TCF4: variants seen among roughly 807,000 people sequenced by gnomAD.
TCF4 encodes transcription factor 4.
TCF4 carries 3 observed loss-of-function variants against 82.1 expected under a neutral mutation model. The observed-to-expected ratio is 0.04, with a 90% CI of 0.02 to 0.09. The LOEUF is 0.09. Among genes scored for constraint, TCF4 ranks in the 10% least tolerant of loss-of-function variants. The pLI is 1.00. For synonymous variants in TCF4, 276 were observed against 309.6 expected, an observed-to-expected ratio of 0.89 and a Z score of 1.14; for missense variants, 518 against 852.7, an observed-to-expected ratio of 0.61 and a Z score of 4.89.
intron 11 of TCF4, chr18:55,269,490 T>A (rs2059889321): frequency 2.8e-6 from 1 of 358,546 alleles, no homozygotes; most frequent in South Asian, 2.4e-5. Flanking sequence ...TTAAGAGCTA[T>A]TCTGCTTTGT....
rs1326007246 is a variant in TCF4 at position 55,254,509 on chromosome 18, T to A, written c.1338A>T (p.Arg446Ser). ...TTTCATCACTTACCATGAGTGAATGTCTGTTGGCTGAAAGAAGGCCGGTTC... is the reference window on the plus strand; with the variant it reads ...TTTCATCACTTACCATGAGTGAATGACTGTTGGCTGAAAGAAGGCCGGTTC... The part of the protein sequence containing the change: ...GYGTGLLSAN[R>S]HSLMVGTHRE... Residue 446 changes from arginine to serine, a missense_variant, in exon 15 of 20, where the codon AGA becomes AGT. Transcript: ENST00000354452. 1 of 1,613,620 alleles carries A rather than the reference T, an allele frequency of 6.2e-7. No individual in the cohort carries two copies.
intron 3 of TCF4, among the ~76,000 whole-genome samples, chr18:55,568,630 A>G (rs1405401198): frequency 6.6e-6 from 1 of 152,042 alleles, no homozygotes; most frequent in Admixed American, 6.5e-5. Context: ...AGTGGCTTAA[A>G]ATCTTCTTAT....
chr18:55,332,813 A>G (rs1569048755), intron 8 of TCF4, among the ~76,000 whole-genome samples: 1 of 152,100 alleles, frequency 6.6e-6, no homozygotes, highest in Non-Finnish European at 1.5e-5. Context: ...GGAGATATAG[A>G]CTCCATTTGA....
intron 3 of TCF4, among the ~76,000 whole-genome samples, chr18:55,502,638 T>A (rs1225478054): frequency 6.6e-6 from 1 of 152,212 alleles, no homozygotes; most frequent in African/African-American, 2.4e-5. Context: ...GGCACATAAG[T>A]GTAAAACTCT....
At chr18:55,555,201 C>T (rs1203627504) in intron 3 of TCF4, among the ~76,000 whole-genome samples, 2 of 152,166 alleles carry the variant, frequency 1.3e-5, no homozygotes, top group African/African-American at 4.8e-5. Flanking sequence ...TAATTTGTCA[C>T]AGCTAGACAC....
intron 3 of TCF4, among the ~76,000 whole-genome samples, chr18:55,522,285 T>C (rs1035201757): frequency 6.6e-6 from 1 of 152,070 alleles, no homozygotes; most frequent in Admixed American, 6.6e-5. Context: ...CAGAATATAT[T>C]AAGAAAGGCA....
At chr18:55,406,421 C>T (rs967572850) in intron 5 of TCF4, among the ~76,000 whole-genome samples, 4 of 151,978 alleles carry the variant, frequency 2.6e-5, no homozygotes, top group African/African-American at 9.7e-5. Flanking sequence ...AGACTAAAAG[C>T]AGCCATTTTA....
At chr18:55,281,721 T>C (rs936754354) in intron 8 of TCF4, among the ~76,000 whole-genome samples, 1 of 151,894 alleles carries the variant, frequency 6.6e-6, no homozygotes, top group African/African-American at 2.4e-5. Flanking sequence ...TCTTTTTTTT[T>C]TTCCAATTTG....
chr18:55,441,628 C>G (rs1264478036), intron 5 of TCF4, among the ~76,000 whole-genome samples: 1 of 152,020 alleles, frequency 6.6e-6, no homozygotes, highest in Admixed American at 6.6e-5. Flanking sequence ...AGATACCACC[C>G]AGTAAATTTG....
intron 6 of TCF4, among the ~76,000 whole-genome samples, chr18:55,367,665 ACATGAAC>A (rs2087590271): frequency 6.6e-6 from 1 of 152,208 alleles, no homozygotes; most frequent in African/African-American, 2.4e-5. Context: ...GTGCAGGAAA[ACATGAAC>A]CAGGAAATAT....
Position 55,403,480 on chromosome 18 carries a change from C to T in TCF4, c.343G>A (p.Glu115Lys), listed in dbSNP as rs867124521. The T allele has an allele frequency of 6.2e-7, 1 of 1,613,866 alleles. No individual in the cohort carries two copies. The highest frequency in any genetic ancestry group is 8.5e-7 in the Non-Finnish European group (1 of 1,179,822). The change falls in exon 6 of 20, where the codon GAA (glutamate) becomes AAA (lysine). Residue 115 changes from glutamate (E) to lysine (K), a missense_variant. Physicochemically the swap from Glu to Lys is moderately conservative, Grantham distance 56. Transcript: ENST00000354452. The part of the protein sequence containing the change: ...ERGSYSSYGR[E>K]SNLQGCHQQS... ...TGGTGGCAACCCTGTAAGTTTGATT[C>T]TCTCCCATAAGATGAGTATGAGCCC...
At chr18:55,300,415 CAG>C (rs1201956510) in intron 8 of TCF4, among the ~76,000 whole-genome samples, 3 of 62,146 alleles carry the variant, frequency 4.8e-5, no homozygotes, top group African/African-American at 2.2e-4. Flanking sequence ...TGCAAAGTGG[CAG>C]GGAGTTGGGG....
At chr18:55,625,775 CTA>C (rs371961152) in intron 2 of TCF4, among the ~76,000 whole-genome samples, 179 of 152,148 alleles carry the variant, frequency 1.2e-3, no homozygotes, top group African/African-American at 4.2e-3. Flanking sequence ...CTCTACATTC[CTA>C]TGATTTTTAA....
intron 2 of TCF4, among the ~76,000 whole-genome samples, chr18:55,613,463 T>TC (rs1603625437): frequency 6.6e-6 from 1 of 152,228 alleles, no homozygotes; most frequent in South Asian, 2.1e-4. Flanking sequence ...GTGTCCATAG[T>TC]CCATTCCTTT....
intron 14 of TCF4, among the ~76,000 whole-genome samples, chr18:55,255,789 T>C (rs2056655739): frequency 6.6e-6 from 1 of 152,200 alleles, no homozygotes; most frequent in African/African-American, 2.4e-5. Flanking sequence ...AGTTGGAATC[T>C]AGGTCTTTTT....
At chr18:55,274,278 T>A (rs1438486987) in intron 10 of TCF4, among the ~76,000 whole-genome samples, 1 of 152,182 alleles carries the variant, frequency 6.6e-6, no homozygotes, top group East Asian at 1.9e-4. Context: ...AAATAAGTCA[T>A]CTGCTATTTA....
At chr18:55,265,062 A>G (rs1359734436) in intron 11 of TCF4, 1 of 152,162 alleles carries the variant, frequency 6.6e-6, no homozygotes, top group African/African-American at 2.4e-5. Flanking sequence ...AGCTTTGGGG[A>G]AATGTTCATT....
intron 5 of TCF4, among the ~76,000 whole-genome samples, chr18:55,441,526 C>T (rs879160645): frequency 6.6e-6 from 1 of 152,138 alleles, no homozygotes; most frequent in Non-Finnish European, 1.5e-5. Flanking sequence ...AACTCCTTTC[C>T]CACTACAATT....
Position 55,295,544 on chromosome 18 carries a change from C to A in TCF4, c.550-15888G>T, listed in dbSNP as rs143032988. On this transcript the variant is annotated intron_variant, in intron 8 of 19. Transcript: ENST00000354452. ...GTCAGATCTGCCTCCCTTGGCTTCT[C>A]TGACTCTAAGTTTTCCAGGTCCTCC... 6.6e-5 allele frequency among the ~76,000 whole-genome samples: 10 copies of A among 152,294 alleles called. 1 individual carries two copies. Among genetic ancestry groups the A allele is most frequent in the African/African-American group, 1.4e-4 (6 of 41,554 alleles).
Sources: gnomAD v4.1 joint callset for allele counts (sites outside exome capture counted in the v4.1 genomes callset) on GRCh38, gnomAD v4.1.1 for gene constraint, MANE v1.5 for transcripts, NCBI Gene and HGNC (gene_info 2026-07-23, HGNC 2026-07-21) for gene names.